The following BACH2 variants were observed in gnomAD, a reference collection of about 807,000 sequenced individuals.
The protein encoded by BACH2 is transcription regulator protein BACH2.
In BACH2, 5 loss-of-function variants were observed where a neutral mutation model predicts 61.8. The observed-to-expected ratio is 0.08, with a 90% CI of 0.04 to 0.17. The LOEUF (loss-of-function observed/expected upper bound fraction) is 0.17, where lower values mean the gene tolerates loss of function less well. Ranked by LOEUF, BACH2 falls within the 10% of genes least tolerant of loss-of-function variation. BACH2 has a pLI of 1.00. For missense variants in BACH2, 824 were observed against 1,091.1 expected, an observed-to-expected ratio of 0.76 and a Z score of 3.45; for synonymous variants, 446 against 440.1, an observed-to-expected ratio of 1.01 and a Z score of -0.17.
chr6:90,123,528 T>G lies in BACH2; in HGVS notation c.-161-34419A>C, dbSNP rs1433461389. Among the ~76,000 whole-genome samples the G allele has an allele frequency of 4.6e-5, 7 of 151,250 alleles. No homozygotes were observed. In the East Asian group the frequency reaches 5.9e-4, roughly 13 times the overall value. ...GCTCACGCCTGTAATCCCAGCACTT[T>G]GGGAGGCCGAGGCGGGCGGATCACG... On this transcript the variant is annotated intron_variant, in intron 4 of 8. Transcript: ENST00000257749.
chr6:90,079,665 C>T (rs1781636991), intron 5 of BACH2, among the ~76,000 whole-genome samples: 1 of 152,152 alleles, frequency 6.6e-6, no homozygotes, highest in African/African-American at 2.4e-5. Context: ...GCAAACCAGT[C>T]ATCAGAATTA....
At chr6:90,031,155 C>CG (rs1371984664) in intron 5 of BACH2, among the ~76,000 whole-genome samples, 6 of 151,764 alleles carry the variant, frequency 4.0e-5, no homozygotes, top group African/African-American at 1.5e-4. Flanking sequence ...AATTCAACAA[C>CG]CTTCATGCTA....
chr6:89,982,630 G>C lies in BACH2; in HGVS notation c.243+25972C>G, dbSNP rs576119312. ...GTACGTTCGGATATCACTCCAGCTT[G>C]TGTGTACCATAATAAATATCTGAAC... On this transcript the variant is annotated intron_variant, in intron 6 of 8. Transcript: ENST00000257749. Among the ~76,000 whole-genome samples, 5 of 152,278 alleles carry C rather than the reference G, an allele frequency of 3.3e-5. No individual in the cohort carries two copies. The South Asian group carries it at 8.3e-4, about 25-fold the overall frequency.
intron 4 of BACH2, among the ~76,000 whole-genome samples, chr6:90,137,129 A>C (rs1031290002): frequency 6.6e-6 from 1 of 152,172 alleles, no homozygotes; most frequent in Non-Finnish European, 1.5e-5. Context: ...AGACAGAAAG[A>C]GGGACAGGCT....
intron 5 of BACH2, among the ~76,000 whole-genome samples, chr6:90,040,991 G>A (rs1779505945): frequency 6.6e-6 from 1 of 152,170 alleles, no homozygotes; most frequent in Non-Finnish European, 1.5e-5. Flanking sequence ...CTATCCAAGT[G>A]TGCAATCATA....
intron 5 of BACH2, among the ~76,000 whole-genome samples, chr6:90,044,265 C>A (rs1277594729): frequency 6.6e-6 from 1 of 152,122 alleles, no homozygotes; most frequent in Non-Finnish European, 1.5e-5. Flanking sequence ...CTCATTTAGG[C>A]AGATTCTAAA....
chr6:90,041,059 A>T (rs1166014483), intron 5 of BACH2, among the ~76,000 whole-genome samples: 1 of 152,138 alleles, frequency 6.6e-6, no homozygotes, highest in African/African-American at 2.4e-5. Context: ...TTACACTTCT[A>T]CTTTCTTTCT....
At chr6:90,005,456 T>TGAACCA (rs1777357878) in intron 6 of BACH2, among the ~76,000 whole-genome samples, 1 of 152,238 alleles carries the variant, frequency 6.6e-6, no homozygotes, top group Non-Finnish European at 1.5e-5. Context: ...AAATGCCGAT[T>TGAACCA]AGTTCCAGAA....
chr6:89,998,503 T>C (rs891156521), intron 6 of BACH2, among the ~76,000 whole-genome samples: 1 of 152,130 alleles, frequency 6.6e-6, no homozygotes, highest in Admixed American at 6.5e-5. Flanking sequence ...TCCGAGATCC[T>C]AGGAAACCAA....
At chr6:90,163,243 T>C (rs570256336) in intron 4 of BACH2, among the ~76,000 whole-genome samples, 3 of 152,332 alleles carry the variant, frequency 2.0e-5, no homozygotes, top group Admixed American at 6.5e-5. Context: ...GCCCTCTCTG[T>C]AGCAATTGTT....
At chr6:90,120,740 T>C (rs1188075886) in intron 4 of BACH2, among the ~76,000 whole-genome samples, 2 of 152,162 alleles carry the variant, frequency 1.3e-5, no homozygotes, top group Non-Finnish European at 2.9e-5. Flanking sequence ...CAATCAGCAT[T>C]CTCCATCCCC....
intron 4 of BACH2, among the ~76,000 whole-genome samples, chr6:90,162,935 G>T (rs1767450660): frequency 6.6e-6 from 1 of 152,016 alleles, no homozygotes; most frequent in African/African-American, 2.4e-5. Flanking sequence ...ACTTGTAGTT[G>T]GTTTTTTAAA....
intron 5 of BACH2, among the ~76,000 whole-genome samples, chr6:90,060,701 T>C (rs1006763260): frequency 6.6e-6 from 1 of 152,132 alleles, no homozygotes; most frequent in Non-Finnish European, 1.5e-5. Context: ...TGTTTGATAA[T>C]CTTTTTTGAA....
intron 4 of BACH2, among the ~76,000 whole-genome samples, chr6:90,145,288 G>A (rs1784579557): frequency 6.6e-6 from 1 of 152,178 alleles, no homozygotes; most frequent in African/African-American, 2.4e-5. Context: ...CAGAAAGACA[G>A]AAAGTATGCA....
At position 89,932,613 on chromosome 6, in the gene BACH2, G is replaced by A. The variant is rs375103380; in HGVS notation, c.2321C>T (p.Ala774Val). The change falls in exon 9 of 9, where the codon GCG (alanine) becomes GTG (valine). Residue 774 changes from alanine to valine, a missense_variant. Physicochemically the swap from Ala to Val is moderately conservative, Grantham distance 64. Transcript: ENST00000257749. Reference protein sequence around the residue: ...ENVPCCLEPGAAPPGPPWAPS... With the variant: ...ENVPCCLEPGVAPPGPPWAPS... ...TGCCCAGGGGGGTCCGGGGGGAGCC[G>A]CGCCTGGCTCCAAGCAGCAGGGCAC... The A allele has an allele frequency of 2.9e-5, 47 of 1,614,002 alleles. No homozygotes were observed. The highest frequency in any genetic ancestry group is 1.3e-4 in the African/African-American group (10 of 75,004).
chr6:90,017,806 A>T (rs543063510), intron 5 of BACH2, among the ~76,000 whole-genome samples: 3 of 152,182 alleles, frequency 2.0e-5, no homozygotes, highest in African/African-American at 7.2e-5. Flanking sequence ...ATTGTTATTT[A>T]TCTTCATTGT....
At chr6:90,260,151 G>A (rs1339090546) in intron 2 of BACH2, among the ~76,000 whole-genome samples, 2 of 151,978 alleles carry the variant, frequency 1.3e-5, no homozygotes, top group Admixed American at 6.6e-5. Context: ...CTATTCATTT[G>A]AGATCTTTCT....
intron 6 of BACH2, among the ~76,000 whole-genome samples, chr6:89,982,070 A>T (rs915987693): frequency 6.6e-6 from 1 of 151,962 alleles, no homozygotes; most frequent in Non-Finnish European, 1.5e-5. Flanking sequence ...TCACAGGCTC[A>T]AGCAATCCTC....
chr6:90,009,945 G>A (rs967490897), intron 5 of BACH2, among the ~76,000 whole-genome samples: 10 of 152,226 alleles, frequency 6.6e-5, no homozygotes, highest in African/African-American at 1.4e-4. Flanking sequence ...GATTACAGGC[G>A]TGAGCCACTG....
Sources: gnomAD v4.1 joint callset for allele counts (sites outside exome capture counted in the v4.1 genomes callset) on GRCh38, gnomAD v4.1.1 for gene constraint, MANE v1.5 for transcripts, NCBI Gene and HGNC (gene_info 2026-07-23, HGNC 2026-07-21) for gene names.